The following TESMIN variants were observed in gnomAD, a reference collection of about 807,000 sequenced individuals.
The protein encoded by TESMIN is CXC domain containing 2.
A neutral mutation model predicts 47.4 loss-of-function variants in TESMIN; 34 were observed. The ratio of observed to expected loss-of-function variants is 0.72; its 90% CI spans 0.55 to 0.96. The LOEUF (loss-of-function observed/expected upper bound fraction) is 0.96. Ranked by LOEUF, TESMIN falls within the 40% of genes least tolerant of loss-of-function variation. The probability of loss-of-function intolerance (pLI) is 0.00; values close to 1 mark genes in which losing one functional copy is unlikely to be tolerated. For missense variants in TESMIN, 610 were observed against 637.2 expected, an observed-to-expected ratio of 0.96 and a Z score of 0.46; for synonymous variants, 278 against 258.9, an observed-to-expected ratio of 1.07 and a Z score of -0.71.
intron 9 of TESMIN, among the ~76,000 whole-genome samples, chr11:68,709,973 T>C (rs1946043245): frequency 6.6e-6 from 1 of 152,126 alleles, no homozygotes. Flanking sequence ...TCGAGACCAA[T>C]ATGGCGAGAC....
rs1380367385 is a variant in TESMIN, at chr11:68,708,419, T to C, written c.1416A>G (p.Lys472=). 13 of 1,614,230 alleles carry C rather than the reference T, an allele frequency of 8.1e-6. No individual in the cohort carries two copies. In the South Asian group the frequency reaches 1.2e-4, roughly 15 times the overall value. ...CTGCCAGGCACTTGGAGCAGTGTTC[T>C]TTCTCGGCCTCTTCTCCCTGAGCAA... ...CLLAQGEEAE[K]EHCSKCLAEQ... The change falls in exon 10 of 10, where the codon AAA becomes AAG. Residue 472 remains lysine (K), a synonymous_variant. Transcript: ENST00000255087.
chr11:68,710,747 C>T (rs1399889912), intron 9 of TESMIN, 127 bp downstream of exon 9: 3 of 930,614 alleles, frequency 3.2e-6, no homozygotes, highest in Non-Finnish European at 4.7e-6. Context: ...CGACTTCCCT[C>T]TGCCCCCAAA....
At chr11:68,719,964 G>A (rs1222690222) in intron 6 of TESMIN, among the ~76,000 whole-genome samples, 1 of 152,116 alleles carries the variant, frequency 6.6e-6, no homozygotes, top group Non-Finnish European at 1.5e-5. Flanking sequence ...TCAGATTTAG[G>A]AAACCTAATG....
chr11:68,750,562 G>C lies in TESMIN; in HGVS notation c.99C>G (p.Ile33Met). Residue 33 changes from isoleucine (I) to methionine (M), a missense_variant, in exon 2 of 10, where the codon ATC (isoleucine) becomes ATG (methionine). Transcript: ENST00000255087. Reference protein sequence around the residue: ...SPEGPFASENIGLKAPVKYEE... With the variant: ...SPEGPFASENMGLKAPVKYEE... The stretch of plus-strand genomic sequence containing the variant: ...CGTACTTCACGGGGGCCTTCAGGCC[G>C]ATGTTCTCCGAAGCGAACGGACCCT... 1 of 1,607,784 alleles carries C rather than the reference G, an allele frequency of 6.2e-7. No homozygotes were observed. The highest frequency in any genetic ancestry group is 8.5e-7 in the Non-Finnish European group (1 of 1,177,944).
In TESMIN at chr11:68,710,871, T is replaced by C. The variant is rs1348661719; in HGVS notation, c.1334+3A>G. On this transcript the variant is annotated splice_donor_region_variant and intron_variant, in intron 9 of 9. Coordinates refer to ENST00000255087, the MANE Select transcript of TESMIN (RefSeq NM_004923.3). Reference sequence around the variant, plus strand: ...TTAGCAGAGGTTAGTTCAAAGTACCTACCTATCGTGACTGAATCTTGGAAG... The same window carrying C: ...TTAGCAGAGGTTAGTTCAAAGTACCCACCTATCGTGACTGAATCTTGGAAG... The C allele has an allele frequency of 1.2e-6, 2 of 1,609,746 alleles. No homozygotes were observed. The highest frequency in any genetic ancestry group is 1.7e-6 in the Non-Finnish European group (2 of 1,178,438).
chr11:68,733,888 T>C (rs772865036), intron 6 of TESMIN, among the ~76,000 whole-genome samples: 1 of 152,200 alleles, frequency 6.6e-6, no homozygotes, highest in Non-Finnish European at 1.5e-5. Context: ...TCCAATGTGA[T>C]GGAACTAGCA....
Position 68,726,912 on chromosome 11 carries a change from TA to T in TESMIN, c.918-10974del, listed in dbSNP as rs1407650256. 2.7e-5 allele frequency among the ~76,000 whole-genome samples: 4 copies of T among 150,532 alleles called. No individual in the cohort carries two copies. In the East Asian group the frequency reaches 7.9e-4, roughly 30 times the overall value. On this transcript the variant is annotated intron_variant, in intron 6 of 9. Transcript: ENST00000255087. The stretch of plus-strand genomic sequence containing the variant: ...GGGCAACATAATGAGACCCTATTTC[TA>T]AAAAAAATAAAAATAAAAAAGCTGG...
At chr11:68,715,273 T>G (rs2153990866) in intron 7 of TESMIN, among the ~76,000 whole-genome samples, 1 of 152,318 alleles carries the variant, frequency 6.6e-6, no homozygotes, top group Admixed American at 6.5e-5. Flanking sequence ...AAGAAAGGGA[T>G]AAAAGCTGCA....
At chr11:68,730,352 C>T (rs927230851) in intron 6 of TESMIN, among the ~76,000 whole-genome samples, 2 of 152,170 alleles carry the variant, frequency 1.3e-5, no homozygotes, top group African/African-American at 4.8e-5. Flanking sequence ...CTGTTATAAA[C>T]GTTTTTATAT....
chr11:68,738,216 G>A (rs1418163664), intron 6 of TESMIN: 1 of 989,722 alleles, frequency 1.0e-6, no homozygotes, highest in African/African-American at 1.7e-5. Context: ...ACCTGGAGAT[G>A]TGAAGACAGA....
chr11:68,742,091 G>A, intron 5 of TESMIN, among the ~76,000 whole-genome samples: 1 of 152,224 alleles, frequency 6.6e-6, no homozygotes, highest in East Asian at 1.9e-4. Context: ...CTGCAGGAAA[G>A]GGCAAAAGGG....
chr11:68,730,018 A>G (rs1342589328), intron 6 of TESMIN, among the ~76,000 whole-genome samples: 1 of 152,166 alleles, frequency 6.6e-6, no homozygotes, highest in Non-Finnish European at 1.5e-5. Context: ...CACCACCCTC[A>G]ACAGTCAATA....
intron 8 of TESMIN, among the ~76,000 whole-genome samples, chr11:68,712,049 T>A (rs1410107930): frequency 6.6e-6 from 1 of 152,268 alleles, no homozygotes; most frequent in Non-Finnish European, 1.5e-5. Context: ...TTCTGTTTCA[T>A]CTGCACCTCT....
chr11:68,751,350 C>T (rs1307218440), intron 1 of TESMIN, 70 bp downstream of exon 1: 1 of 152,452 alleles, frequency 6.6e-6, no homozygotes, highest in Non-Finnish European at 1.5e-5. Context: ...CCCGGCAGCC[C>T]CCATCCCCGC....
At chr11:68,712,673 A>T (rs1303225497) in intron 8 of TESMIN, among the ~76,000 whole-genome samples, 1 of 152,228 alleles carries the variant, frequency 6.6e-6, no homozygotes, top group Non-Finnish European at 1.5e-5. Context: ...TTGGGAAAAG[A>T]AAAAGCTTTT....
At chr11:68,737,335 A>T (rs1349852115) in intron 6 of TESMIN, 139 of 985,464 alleles carry the variant, frequency 1.4e-4, no homozygotes, top group Non-Finnish European at 1.6e-4. Context: ...CAGCTGAAAG[A>T]GCCACTGCAG....
At position 68,738,352 on chromosome 11, in the gene TESMIN, G is replaced by A. The variant is rs997674369; in HGVS notation, c.917+348C>T. ...ATGGCTGCCACACCATTATTTCCAC[G>A]GACGACAGCAAAAAAGAGAGGCCAG... On this transcript the variant is annotated intron_variant, in intron 6 of 9. Transcript: ENST00000255087. 10 of 1,016,638 alleles carry A rather than the reference G, an allele frequency of 9.8e-6. No homozygotes were observed. In the South Asian group the frequency reaches 1.1e-4, roughly 11 times the overall value. 63.0% of individuals were successfully genotyped at this position (1,016,638 alleles called of 1,614,324 possible). A position where few individuals can be genotyped will look rare whatever the true frequency, so the allele number is the denominator to read the frequency against.
rs1213764386 is a variant in TESMIN, at chr11:68,750,157, G to A, written c.471+33C>T. 5 of 1,420,294 alleles carry A rather than the reference G, an allele frequency of 3.5e-6. 1 individual carries two copies. The Admixed American group carries it at 1.1e-4, about 32-fold the overall frequency. The allele number at this position is 1,420,294 out of a possible 1,614,324, so 88.0% of individuals were successfully genotyped here. On this transcript the variant is annotated intron_variant, in intron 2 of 9. Coordinates refer to ENST00000255087, the MANE Select transcript of TESMIN (RefSeq NM_004923.3). ...AGATGGGTTGGGGAAGGGATGGAGG[G>A]GGAGCTGTGCCCATTCCCCAGGCGG...
chr11:68,711,676 G>A (rs1242111522), intron 8 of TESMIN, among the ~76,000 whole-genome samples: 1 of 152,206 alleles, frequency 6.6e-6, no homozygotes, highest in Admixed American at 6.5e-5. Flanking sequence ...CTTTCAGCAT[G>A]TGAGGCTATT....
Sources: gnomAD v4.1 joint callset for allele counts (sites outside exome capture counted in the v4.1 genomes callset) on GRCh38, gnomAD v4.1.1 for gene constraint, MANE v1.5 for transcripts, NCBI Gene and HGNC (gene_info 2026-07-23, HGNC 2026-07-21) for gene names.